ZNF195: variants seen among roughly 807,000 people sequenced by gnomAD.
ZNF195 encodes the protein hypoxia-regulated factor-1.
ZNF195 carries 11 observed loss-of-function variants against 19.5 expected under a neutral mutation model. That is an observed-to-expected ratio of 0.57 (90% CI 0.36 to 0.94). The LOEUF (loss-of-function observed/expected upper bound fraction) is 0.94, where lower values mean the gene tolerates loss of function less well. ZNF195 is among the 40% of genes least tolerant of loss of function. The pLI is 0.01. For synonymous variants in ZNF195, 214 were observed against 248.1 expected, an observed-to-expected ratio of 0.86 and a Z score of 1.29; for missense variants, 582 against 709.0, an observed-to-expected ratio of 0.82 and a Z score of 2.03.
At chr11:3,364,456 AT>A (rs1306585581) in intron 3 of ZNF195, among the ~76,000 whole-genome samples, 155 of 152,366 alleles carry the variant, frequency 1.0e-3, no homozygotes, top group Middle Eastern at 3.4e-3. Flanking sequence ...AAAATTCAAA[AT>A]TCTGCTATAA....
rs375518869 is a variant in ZNF195 at position 3,370,960 on chromosome 11, T to C, written c.226+15A>G. The C allele has an allele frequency of 1.4e-5, 22 of 1,613,790 alleles. No homozygotes were observed. The African/African-American group carries it at 1.9e-4, about 14-fold the overall frequency. On this transcript the variant is annotated intron_variant, in intron 3 of 5. Coordinates refer to ENST00000399602, the MANE Select transcript of ZNF195 (RefSeq NM_001130520.3). ...CCTCTCACCTGGGTTACCTGCTTCG[T>C]TCATTCCCACCCACCTGGATGTCCG...
rs534213209 is a variant in ZNF195 at position 3,366,093 on chromosome 11, T to TA, written c.227-4205dup. On this transcript the variant is annotated intron_variant, in intron 3 of 5. Coordinates refer to ENST00000399602, the MANE Select transcript of ZNF195 (RefSeq NM_001130520.3). The stretch of plus-strand genomic sequence containing the variant: ...CAACACGGTGAAACCCCATCTCTAC[T>TA]AAAAAAAAAAAATACAAAAAATGAG... Among the ~76,000 whole-genome samples, 1,140 of 141,962 alleles carry TA rather than the reference T, an allele frequency of 8.0e-3. 12 individuals are homozygous for TA. Among genetic ancestry groups the TA allele is most frequent in the African/African-American group, 0.025 (993 of 39,030 alleles). 93.1% of individuals were successfully genotyped at this position (141,962 alleles called of 152,430 possible).
At chr11:3,369,989 TAC>T (rs1849113039) in intron 3 of ZNF195, among the ~76,000 whole-genome samples, 1 of 152,204 alleles carries the variant, frequency 6.6e-6, no homozygotes, top group Non-Finnish European at 1.5e-5. Context: ...ACACAATATA[TAC>T]ACAATTTTTA....
intron 3 of ZNF195, chr11:3,368,960 T>C (rs1564922126): frequency 9.5e-6 from 4 of 420,392 alleles, no homozygotes; most frequent in Admixed American, 7.9e-5. Context: ...AAAACATGTA[T>C]CCTTAAAAAC....
At position 3,371,011 on chromosome 11, in the gene ZNF195, T is replaced by G. The variant is rs1849181503; in HGVS notation, c.190A>C (p.Asn64His). Reference protein sequence around the residue: ...TCLEQRKEPWNVKRQEAADGH... With the variant: ...TCLEQRKEPWHVKRQEAADGH... Reference sequence around the variant, plus strand: ...TCTGCTGCCTCCTGTCTCTTCACATTCCAGGGCTCTTTTCGTTGCTCCAGG... The same window carrying G: ...TCTGCTGCCTCCTGTCTCTTCACATGCCAGGGCTCTTTTCGTTGCTCCAGG... The change falls in exon 3 of 6, where the codon AAT (asparagine) becomes CAT (histidine). Residue 64 changes from asparagine (N) to histidine (H), a missense_variant. Physicochemically the swap from Asn to His is moderately conservative, Grantham distance 68. This residue lies in a region of ZNF195 where 129 missense variants were observed against 112.1 expected (regional missense o/e 1.15). Transcript: ENST00000399602. 3 of 1,614,040 alleles carry G rather than the reference T, an allele frequency of 1.9e-6. No homozygotes were observed. The highest frequency in any genetic ancestry group is 2.7e-5 in the African/African-American group (2 of 74,920).
intron 3 of ZNF195, 137 bp downstream of exon 3, chr11:3,370,838 G>T: frequency 1.3e-6 from 1 of 767,550 alleles, no homozygotes; most frequent in Non-Finnish European, 2.2e-6. Flanking sequence ...CTAGGGTACA[G>T]CAAGAGAAAG....
In ZNF195 at chr11:3,358,942, G is replaced by A; in HGVS notation, c.*176C>T. ...TGCAAGTCTTCCATCTAGTATAATT[G>A]TAACATTTTTTTCAGAAGAAATACT... On this transcript the variant is annotated 3_prime_UTR_variant, in exon 6 of 6. Transcript: ENST00000399602. 1 of 882,842 alleles carries A rather than the reference G, an allele frequency of 1.1e-6. No homozygotes were observed. Among genetic ancestry groups the A allele is most frequent in the East Asian group, 3.1e-5 (1 of 32,406 alleles). The allele number at this position is 882,842 out of a possible 1,614,324, so 54.7% of individuals were successfully genotyped here.
chr11:3,373,887 T>C lies in ZNF195; in HGVS notation c.4-2184A>G, dbSNP rs550758085. Among the ~76,000 whole-genome samples the C allele has an allele frequency of 8.0e-4, 122 of 152,352 alleles. 1 individual carries two copies. Among genetic ancestry groups the C allele is most frequent in the Admixed American group, 2.4e-3 (37 of 15,304 alleles). On this transcript the variant is annotated intron_variant, in intron 1 of 5. Coordinates refer to ENST00000399602, the MANE Select transcript of ZNF195 (RefSeq NM_001130520.3). ...AACAACAGCAATTCTGCTTCAGCAA[T>C]TGGAGTATAAGCTGCACTGAGCTGG...
At chr11:3,376,165 G>C (rs895698447) in intron 1 of ZNF195, among the ~76,000 whole-genome samples, 1 of 151,860 alleles carries the variant, frequency 6.6e-6, no homozygotes, top group African/African-American at 2.4e-5. Context: ...GTGCTCCCGG[G>C]CTCTGCAGCT....
In ZNF195 at chr11:3,360,313, T is replaced by C. The variant is rs758554246; in HGVS notation, c.695A>G (p.His232Arg). ...VKIFDNFSNL[H>R]RRNISNTGEK... ...TCCAGTATTACTTATATTACGTCTA[T>C]GTAAATTTGAAAAGTTATCAAAGAT... Residue 232 changes from histidine (H) to arginine (R), a missense_variant, in exon 6 of 6, where the codon CAT becomes CGT. Coordinates refer to ENST00000399602, the MANE Select transcript of ZNF195 (RefSeq NM_001130520.3). 14 of 1,604,748 alleles carry C rather than the reference T, an allele frequency of 8.7e-6. No individual in the cohort carries two copies. Among genetic ancestry groups the C allele is most frequent in the Non-Finnish European group, 1.1e-5 (13 of 1,174,364 alleles).
Position 3,358,949 on chromosome 11 carries a change from T to G in ZNF195, c.*169A>C, listed in dbSNP as rs531891924. ...CTTCCATCTAGTATAATTGTAACAT[T>G]TTTTTCAGAAGAAATACTCTTGTGT... On this transcript the variant is annotated 3_prime_UTR_variant, in exon 6 of 6. Coordinates refer to ENST00000399602, the MANE Select transcript of ZNF195 (RefSeq NM_001130520.3). The G allele has an allele frequency of 1.2e-3, 1,149 of 951,974 alleles. 2 individuals are homozygous for G. The highest frequency in any genetic ancestry group is 1.6e-3 in the Non-Finnish European group (1,116 of 719,264). 59.0% of individuals were successfully genotyped at this position (951,974 alleles called of 1,614,324 possible). A position where few individuals can be genotyped will look rare whatever the true frequency, so the allele number is the denominator to read the frequency against.
intron 1 of ZNF195, among the ~76,000 whole-genome samples, chr11:3,376,553 T>C (rs1161150744): frequency 6.6e-6 from 1 of 152,192 alleles, no homozygotes; most frequent in Non-Finnish European, 1.5e-5. Flanking sequence ...GTTATCCACT[T>C]AGGTTTAAAT....
chr11:3,374,257 G>C (rs995617240), intron 1 of ZNF195, among the ~76,000 whole-genome samples: 3 of 152,104 alleles, frequency 2.0e-5, no homozygotes, highest in Non-Finnish European at 4.4e-5. Flanking sequence ...ATTTCAAAGG[G>C]GTTCATGGGT....
In ZNF195 at chr11:3,378,475, G is replaced by A. The variant is rs577485376; in HGVS notation, c.3+563C>T. Among the ~76,000 whole-genome samples, 5 of 152,178 alleles carry A rather than the reference G, an allele frequency of 3.3e-5. No individual in the cohort carries two copies. In the South Asian group the frequency reaches 6.2e-4, roughly 19 times the overall value. On this transcript the variant is annotated intron_variant, in intron 1 of 5. Transcript: ENST00000399602. The stretch of plus-strand genomic sequence containing the variant: ...AACCACAAACCTCTAATTAACTTCT[G>A]ATTACAGGACCAGAAAATTTCAGCC...
rs928279021 is a variant in ZNF195 at position 3,360,701 on chromosome 11, C to T, written c.442+19G>A. 3.9e-6 allele frequency: 6 copies of T among 1,550,244 alleles called. No homozygotes were observed. Among genetic ancestry groups the T allele is most frequent in the Non-Finnish European group, 3.5e-6 (4 of 1,146,648 alleles). The stretch of plus-strand genomic sequence containing the variant: ...CCACAGGCCCTAATTTCTGTATAAA[C>T]ATATAAATGTAACAATACCTAGTGA... On this transcript the variant is annotated intron_variant, in intron 5 of 5. Transcript: ENST00000399602.
chr11:3,377,635 G>A (rs1386953760), intron 1 of ZNF195: 14 of 1,237,766 alleles, frequency 1.1e-5, no homozygotes, highest in Admixed American at 2.6e-5. Flanking sequence ...AGGAAGAGTA[G>A]ACCAGGAGAT....
rs539613597 is a variant in ZNF195, at chr11:3,376,550, A to G, written c.3+2488T>C. ...TTCAACTTCCCAATCAGGGTTATCC[A>G]CTTAGGTTTAAATAAGAAAATACCC... On this transcript the variant is annotated intron_variant, in intron 1 of 5. Transcript: ENST00000399602. Among the ~76,000 whole-genome samples the G allele has an allele frequency of 7.2e-5, 11 of 152,334 alleles. 1 individual carries two copies. Among genetic ancestry groups the G allele is most frequent in the African/African-American group, 2.2e-4 (9 of 41,564 alleles).
At chr11:3,376,338 A>G (rs1849462641) in intron 1 of ZNF195, among the ~76,000 whole-genome samples, 1 of 152,186 alleles carries the variant, frequency 6.6e-6, no homozygotes, top group Non-Finnish European at 1.5e-5. Context: ...TAACTGAAAA[A>G]AAAAAAAAAT....
Position 3,360,446 on chromosome 11 carries a change from C to T in ZNF195, c.562G>A (p.Asp188Asn). ...CGLDNLYLRK[D>N]WESLDECKLQ... is the part of the protein sequence containing the mutation. ...TTACACTCATCTAAACTTTCCCAGT[C>T]TTTCCTTAAATATAAATTATCAAGG... is the stretch of plus-strand genomic sequence containing the variant. Residue 188 changes from aspartate to asparagine, a missense_variant, in exon 6 of 6, where the codon GAC becomes AAC. Asp to Asn is a conservative substitution (Grantham distance 23, BLOSUM62 1). Transcript: ENST00000399602. 1 of 1,611,618 alleles carries T rather than the reference C, an allele frequency of 6.2e-7. No individual in the cohort carries two copies. The highest frequency in any genetic ancestry group is 8.5e-7 in the Non-Finnish European group (1 of 1,179,778).
Sources: gnomAD v4.1 joint callset for allele counts (sites outside exome capture counted in the v4.1 genomes callset) on GRCh38, gnomAD v4.1.1 for gene constraint, gnomAD v4.1.1 regional missense constraint, MANE v1.5 for transcripts, NCBI Gene and HGNC (gene_info 2026-07-23, HGNC 2026-07-21) for gene names.